The following MARCHF10 variants were observed in gnomAD, a reference collection of about 807,000 sequenced individuals.
The protein encoded by MARCHF10 is probable E3 ubiquitin-protein ligase MARCHF10.
In MARCHF10, 64 loss-of-function variants were observed where a neutral mutation model predicts 76.2. The observed-to-expected ratio is 0.84, with a 90% CI of 0.69 to 1.03. The LOEUF is 1.03. Ranked by LOEUF, MARCHF10 falls within the 50% of genes least tolerant of loss-of-function variation. The pLI, the probability that MARCHF10 is intolerant of heterozygous loss-of-function variation, is 0.00. For synonymous variants in MARCHF10, 340 were observed against 357.5 expected (o/e 0.95, Z 0.55); for missense variants, 875 against 958.0 (o/e 0.91, Z 1.14).
intron 4 of MARCHF10, among the ~76,000 whole-genome samples, chr17:62,751,781 G>T (rs1599223993): frequency 1.3e-5 from 2 of 152,312 alleles, no homozygotes; most frequent in East Asian, 3.9e-4. Context: ...AGCACTTTGG[G>T]AGACCGAAGC....
chr17:62,741,851 C>T (rs1279546007), intron 5 of MARCHF10, among the ~76,000 whole-genome samples: 8 of 151,716 alleles, frequency 5.3e-5, no homozygotes, highest in South Asian at 4.2e-4. Context: ...CCCGCCACCA[C>T]GCCTGGCTAA....
At position 62,705,362 on chromosome 17, in the gene MARCHF10, T is replaced by C. The variant is rs115651552; in HGVS notation, c.2371+177A>G. 875 of 1,519,118 alleles carry C rather than the reference T, an allele frequency of 5.8e-4. 4 individuals are homozygous for C. In the African/African-American group the frequency reaches 0.011, roughly 19 times the overall value. The allele number at this position is 1,519,118 out of a possible 1,614,324, so 94.1% of individuals were successfully genotyped here. On this transcript the variant is annotated intron_variant, in intron 10 of 10. Coordinates refer to ENST00000311269, the MANE Select transcript of MARCHF10 (RefSeq NM_152598.4). The stretch of plus-strand genomic sequence containing the variant: ...CTTATCTGCTCTGCATCCAGTGAAC[T>C]TGGCCTCGCCTTCCTGATTGTTTGC...
rs577279560 is a variant in MARCHF10 at position 62,701,484 on chromosome 17, C to T, written c.*219G>A. ...GCCTGCCAGGGGCTCCACAGTCCCA[C>T]GCTGCTTGACCTGTGCTGTCTGGGA... On this transcript the variant is annotated 3_prime_UTR_variant, in exon 11 of 11. Coordinates refer to ENST00000311269, the MANE Select transcript of MARCHF10 (RefSeq NM_152598.4). 1.7e-5 allele frequency: 19 copies of T among 1,089,678 alleles called. No individual in the cohort carries two copies. The East Asian group carries it at 3.9e-4, about 22-fold the overall frequency. 67.5% of individuals were successfully genotyped at this position (1,089,678 alleles called of 1,614,324 possible). A position where few individuals can be genotyped will look rare whatever the true frequency, so the allele number is the denominator to read the frequency against.
intron 4 of MARCHF10, among the ~76,000 whole-genome samples, chr17:62,745,813 G>A (rs8073744): frequency 0.018 from 2,715 of 152,312 alleles, 35 homozygotes; most frequent in East Asian, 0.057. Flanking sequence ...GTCAGTGCAC[G>A]TGAATGTGGA....
At position 62,730,640 on chromosome 17, in the gene MARCHF10, A is replaced by T. The variant is rs552207449; in HGVS notation, c.1937+5291T>A. Among the ~76,000 whole-genome samples, 7 of 152,344 alleles carry T rather than the reference A, an allele frequency of 4.6e-5. No individual in the cohort carries two copies. In the South Asian group the frequency reaches 1.4e-3, roughly 32 times the overall value. On this transcript the variant is annotated intron_variant, in intron 6 of 10. Coordinates refer to ENST00000311269, the MANE Select transcript of MARCHF10 (RefSeq NM_152598.4). ...GCTGGGCGTGGTGGCTCATGCCTAT[A>T]ATCCCAGCACTTTGGGAGGCTGAGG...
intron 2 of MARCHF10, among the ~76,000 whole-genome samples, chr17:62,794,192 A>G (rs1210593313): frequency 1.4e-5 from 2 of 147,012 alleles, no homozygotes; most frequent in Non-Finnish European, 3.0e-5. Context: ...CACCATCACA[A>G]CCATCACCAC....
intron 5 of MARCHF10, among the ~76,000 whole-genome samples, chr17:62,740,565 A>T (rs1401356712): frequency 6.6e-6 from 1 of 152,114 alleles, no homozygotes; most frequent in Non-Finnish European, 1.5e-5. Flanking sequence ...GATCATTGCT[A>T]TTGTTCTGGA....
At chr17:62,721,423 T>C (rs551363951) in intron 8 of MARCHF10, among the ~76,000 whole-genome samples, 1 of 152,180 alleles carries the variant, frequency 6.6e-6, no homozygotes, top group South Asian at 2.1e-4. Context: ...TTACAGGATA[T>C]GTTGATTAGA....
At chr17:62,744,764 T>G (rs2091641760) in intron 4 of MARCHF10, among the ~76,000 whole-genome samples, 1 of 151,990 alleles carries the variant, frequency 6.6e-6, no homozygotes, top group African/African-American at 2.4e-5. Flanking sequence ...ACCTGCTACA[T>G]GGAAATAATC....
intron 1 of MARCHF10, 139 bp from the exon 2 acceptor site, chr17:62,801,891 A>T: frequency 1.5e-6 from 1 of 674,872 alleles, no homozygotes; most frequent in Non-Finnish European, 2.7e-6. Context: ...TGCTCCTTTC[A>T]AGCTGAAGGG....
At chr17:62,705,376 C>T in intron 10 of MARCHF10, 163 bp downstream of exon 10, 1 of 1,532,030 alleles carries the variant, frequency 6.5e-7, no homozygotes, top group East Asian at 2.4e-5. Context: ...CCTCGCCTTC[C>T]TGATTGTTTG....
chr17:62,734,807 T>C (rs1223923384), intron 6 of MARCHF10, among the ~76,000 whole-genome samples: 1 of 152,188 alleles, frequency 6.6e-6, no homozygotes, highest in African/African-American at 2.4e-5. Flanking sequence ...AATAGCTGTT[T>C]AATGCAAGAC....
chr17:62,779,810 C>T (rs1265321068), intron 3 of MARCHF10, among the ~76,000 whole-genome samples: 3 of 152,180 alleles, frequency 2.0e-5, no homozygotes, highest in Admixed American at 6.5e-5. Context: ...ATATGGCAGC[C>T]GGATGGCTGA....
intron 2 of MARCHF10, among the ~76,000 whole-genome samples, chr17:62,791,754 T>C (rs1006204345): frequency 5.9e-5 from 9 of 152,300 alleles, no homozygotes; most frequent in Non-Finnish European, 1.3e-4. Context: ...ACCTTTGCCT[T>C]ATTCCCTGCA....
intron 2 of MARCHF10, among the ~76,000 whole-genome samples, chr17:62,800,753 C>T (rs1467525993): frequency 6.6e-6 from 1 of 152,148 alleles, no homozygotes; most frequent in Non-Finnish European, 1.5e-5. Flanking sequence ...CACTTTTTAC[C>T]TGCTCCCAGG....
At chr17:62,760,048 G>A (rs772843288) in intron 3 of MARCHF10, 42 bp from the exon 4 acceptor site, 1 of 1,558,314 alleles carries the variant, frequency 6.4e-7, no homozygotes, top group Non-Finnish European at 8.8e-7. Context: ...TGGCCAAGTA[G>A]GTCAACTTTG....
rs2089983490 is a variant in MARCHF10 at position 62,712,500 on chromosome 17, G to GGA, written c.2215-1157_2215-1156insTC. Among the ~76,000 whole-genome samples, 1 of 152,188 alleles carries GGA rather than the reference G, an allele frequency of 6.6e-6. No homozygotes were observed. Among genetic ancestry groups the GGA allele is most frequent in the African/African-American group, 2.4e-5 (1 of 41,450 alleles). ...AGCAGCTGCCAGAAAAGGCACAGAAGTTGAGCAAGGATTGATATGCTCTTC... is the reference window on the plus strand; with the variant it reads ...AGCAGCTGCCAGAAAAGGCACAGAAGGATTGAGCAAGGATTGATATGCTCTTC... On this transcript the variant is annotated intron_variant, in intron 8 of 10. Coordinates refer to ENST00000311269, the MANE Select transcript of MARCHF10 (RefSeq NM_152598.4). The surrounding 1 kb of genome is among the most constrained non-coding windows in gnomAD (Gnocchi z 4.2).
At chr17:62,785,731 CTT>C (rs1161200164) in intron 3 of MARCHF10, among the ~76,000 whole-genome samples, 2 of 152,156 alleles carry the variant, frequency 1.3e-5, no homozygotes, top group Admixed American at 1.3e-4. Flanking sequence ...TGAACAGACA[CTT>C]TTCAAAAGAA....
chr17:62,781,856 T>G lies in MARCHF10; in HGVS notation c.210+6624A>C, dbSNP rs377687045. 2.3e-4 allele frequency among the ~76,000 whole-genome samples: 35 copies of G among 152,306 alleles called. 1 individual carries two copies. The highest frequency in any genetic ancestry group is 9.6e-4 in the East Asian group (5 of 5,188). On this transcript the variant is annotated intron_variant, in intron 3 of 10. Coordinates refer to ENST00000311269, the MANE Select transcript of MARCHF10 (RefSeq NM_152598.4). ...TATAAGTGTCAAAATTTGGTAGTGG[T>G]AAGAAGCACATAGTGACTGAATGGT... is the stretch of plus-strand genomic sequence containing the variant.
Sources: allele counts gnomAD v4.1 joint callset (sites outside exome capture counted in the v4.1 genomes callset), GRCh38; gene constraint gnomAD v4.1.1; non-coding constraint Gnocchi (gnomAD v3.1); transcripts MANE v1.5; gene names NCBI Gene and HGNC (gene_info 2026-07-23, HGNC 2026-07-21).